ENOX1: variants seen among roughly 807,000 people sequenced by gnomAD.
The protein encoded by ENOX1 is candidate growth-related and time keeping constitutive hydroquinone (NADH) oxidase.
ENOX1 carries 42 observed loss-of-function variants against 82.5 expected under a neutral mutation model. The ratio of observed to expected loss-of-function variants is 0.51; its 90% CI spans 0.40 to 0.66. The LOEUF (loss-of-function observed/expected upper bound fraction) is 0.66. Ranked by LOEUF, ENOX1 falls within the 30% of genes least tolerant of loss-of-function variation. The pLI is 0.00. For missense variants in ENOX1, 608 were observed against 811.6 expected, an observed-to-expected ratio of 0.75 and a Z score of 3.05; for synonymous variants, 271 against 282.2, an observed-to-expected ratio of 0.96 and a Z score of 0.40.
At chr13:43,281,135 T>A (rs115119403) in intron 12 of ENOX1, among the ~76,000 whole-genome samples, 287 of 152,288 alleles carry the variant, frequency 1.9e-3, no homozygotes, top group African/African-American at 6.7e-3. Context: ...CTATAGCAAC[T>A]ACTGAACCTC....
intron 2 of ENOX1, among the ~76,000 whole-genome samples, chr13:43,590,358 T>C (rs372850457): frequency 1.0e-3 from 158 of 152,124 alleles, no homozygotes; most frequent in African/African-American, 3.5e-3. Flanking sequence ...GCATGAATGA[T>C]CGAAAATGAG....
chr13:43,619,562 T>C (rs144448214), intron 2 of ENOX1, among the ~76,000 whole-genome samples: 5,468 of 152,212 alleles, frequency 0.036, 305 homozygotes, highest in African/African-American at 0.12. Context: ...TTTATTGACT[T>C]GTGTATGTTA....
intron 3 of ENOX1, among the ~76,000 whole-genome samples, chr13:43,425,949 T>A (rs2055273982): frequency 6.6e-6 from 1 of 152,172 alleles, no homozygotes; most frequent in African/African-American, 2.4e-5. Context: ...GCAAAATGAT[T>A]TAAAAAATCA....
chr13:43,283,996 G>A (rs1242546459), intron 12 of ENOX1, among the ~76,000 whole-genome samples: 1 of 151,456 alleles, frequency 6.6e-6, no homozygotes, highest in Non-Finnish European at 1.5e-5. Context: ...GTTATTTTTG[G>A]CACTGATTTC....
intron 1 of ENOX1, among the ~76,000 whole-genome samples, chr13:43,679,154 G>C (rs915610431): frequency 6.6e-6 from 1 of 152,140 alleles, no homozygotes; most frequent in African/African-American, 2.4e-5. Flanking sequence ...TCTTGACTCA[G>C]TTATCAACAT....
chr13:43,785,491 G>A (rs1311903562), intron 1 of ENOX1, among the ~76,000 whole-genome samples: 1 of 152,162 alleles, frequency 6.6e-6, no homozygotes, highest in East Asian at 1.9e-4. Flanking sequence ...ATTCTCCTGG[G>A]TCTGCTTTTA....
intron 1 of ENOX1, among the ~76,000 whole-genome samples, chr13:43,739,607 C>T (rs975787572): frequency 7.3e-5 from 11 of 150,776 alleles, no homozygotes; most frequent in African/African-American, 1.5e-4. Context: ...TATATATAAA[C>T]GTGTGTGGGA....
intron 11 of ENOX1, among the ~76,000 whole-genome samples, chr13:43,299,271 T>A (rs2046442718): frequency 6.6e-6 from 1 of 152,108 alleles, no homozygotes; most frequent in Non-Finnish European, 1.5e-5. Flanking sequence ...ATCTCAAGGC[T>A]TCAGAAATAG....
chr13:43,376,628 TATGA>T (rs2051653255), intron 5 of ENOX1, among the ~76,000 whole-genome samples: 1 of 152,234 alleles, frequency 6.6e-6, no homozygotes, highest in Non-Finnish European at 1.5e-5. Context: ...CCCAGAGTTA[TATGA>T]CTGACACAGT....
chr13:43,648,033 C>T (rs1261312195), intron 2 of ENOX1, among the ~76,000 whole-genome samples: 1 of 152,190 alleles, frequency 6.6e-6, no homozygotes, highest in Non-Finnish European at 1.5e-5. Context: ...GCCATGCTGA[C>T]ACTTTGATTT....
At chr13:43,468,501 C>T (rs1353659246) in intron 3 of ENOX1, among the ~76,000 whole-genome samples, 1 of 151,778 alleles carries the variant, frequency 6.6e-6, no homozygotes, top group African/African-American at 2.4e-5. Flanking sequence ...TTTTAAAAAG[C>T]CAGTCAAAGC....
At chr13:43,297,957 A>G (rs1371488133) in intron 12 of ENOX1, among the ~76,000 whole-genome samples, 1 of 152,230 alleles carries the variant, frequency 6.6e-6, no homozygotes, top group Non-Finnish European at 1.5e-5. Context: ...CCTTGAAGAC[A>G]GACAAACAAA....
At chr13:43,731,496 C>G (rs2089342567) in intron 1 of ENOX1, among the ~76,000 whole-genome samples, 1 of 148,804 alleles carries the variant, frequency 6.7e-6, no homozygotes, top group Admixed American at 6.8e-5. Flanking sequence ...CTCAGCCAAG[C>G]TTTTTTAAGC....
At chr13:43,216,608 T>C (rs960053420) in intron 16 of ENOX1, among the ~76,000 whole-genome samples, 1 of 152,040 alleles carries the variant, frequency 6.6e-6, no homozygotes, top group Non-Finnish European at 1.5e-5. Context: ...TATGGTGGGC[T>C]CTAGTCTCCA....
chr13:43,748,124 A>G (rs955147285), intron 1 of ENOX1, among the ~76,000 whole-genome samples: 1 of 152,194 alleles, frequency 6.6e-6, no homozygotes, highest in Non-Finnish European at 1.5e-5. Context: ...GTATATTACC[A>G]TAACACGAGT....
chr13:43,364,095 AC>A (rs1427428354), intron 5 of ENOX1, among the ~76,000 whole-genome samples: 1 of 151,202 alleles, frequency 6.6e-6, no homozygotes, highest in African/African-American at 2.4e-5. Flanking sequence ...AGAACCCATT[AC>A]TTTTTTAACA....
At chr13:43,710,353 A>G (rs1235636361) in intron 1 of ENOX1, among the ~76,000 whole-genome samples, 2 of 152,214 alleles carry the variant, frequency 1.3e-5, no homozygotes, top group Non-Finnish European at 2.9e-5. Flanking sequence ...ATTAAATGAA[A>G]AAAATCACTT....
chr13:43,286,406 T>C (rs967331490), intron 12 of ENOX1, among the ~76,000 whole-genome samples: 2 of 152,146 alleles, frequency 1.3e-5, no homozygotes, highest in South Asian at 2.1e-4. Context: ...CAAAGGTCAT[T>C]TAAAGACTGC....
At chr13:43,368,157 T>C (rs1362832172) in intron 5 of ENOX1, among the ~76,000 whole-genome samples, 1 of 152,218 alleles carries the variant, frequency 6.6e-6, no homozygotes, top group Non-Finnish European at 1.5e-5. Context: ...GAGGTATGTT[T>C]TTCATTTAAA....
Sources: allele counts gnomAD v4.1 joint callset (sites outside exome capture counted in the v4.1 genomes callset), GRCh38; gene constraint gnomAD v4.1.1; transcripts MANE v1.5; gene names NCBI Gene and HGNC (gene_info 2026-07-23, HGNC 2026-07-21).